The following SCML4 variants were observed in gnomAD, a reference collection of about 807,000 sequenced individuals.
SCML4 encodes Scm polycomb group protein like 4.
Under a neutral mutation model 41.1 loss-of-function variants are expected in SCML4, and 34 were observed. That is an observed-to-expected ratio of 0.83 (90% CI 0.63 to 1.10). The LOEUF (loss-of-function observed/expected upper bound fraction) is 1.10, where lower values mean the gene tolerates loss of function less well. SCML4 is among the 50% of genes least tolerant of loss of function. SCML4 has a pLI of 0.00. For synonymous variants in SCML4, 214 were observed against 220.9 expected, an observed-to-expected ratio of 0.97 and a Z score of 0.28; for missense variants, 522 against 534.1, an observed-to-expected ratio of 0.98 and a Z score of 0.22.
At chr6:107,747,986 G>A (rs1285541803) in intron 3 of SCML4, among the ~76,000 whole-genome samples, 5 of 152,104 alleles carry the variant, frequency 3.3e-5, no homozygotes, top group Non-Finnish European at 7.4e-5. Flanking sequence ...ATTTTTCATT[G>A]TCTCAGACAT....
chr6:107,769,611 T>C (rs963161825), intron 2 of SCML4, among the ~76,000 whole-genome samples: 2 of 152,222 alleles, frequency 1.3e-5, no homozygotes, highest in Non-Finnish European at 2.9e-5. Flanking sequence ...CAGAAACATA[T>C]GATTTTATTA....
the SCML4 span, among the ~76,000 whole-genome samples, chr6:107,837,286 T>A: frequency 6.6e-6 from 1 of 152,156 alleles, no homozygotes; most frequent in African/African-American, 2.4e-5. Flanking sequence ...TCCTCCTGGG[T>A]TTATGAAATG....
intron 1 of SCML4, among the ~76,000 whole-genome samples, chr6:107,787,773 G>A (rs1000983596): frequency 6.6e-6 from 1 of 152,186 alleles, no homozygotes. Flanking sequence ...CACCAGTCTT[G>A]CGGGGGTGGG....
In SCML4 at chr6:107,718,065, C is replaced by G. The variant is rs372078481; in HGVS notation, c.973+2638G>C. Among the ~76,000 whole-genome samples the G allele has an allele frequency of 1.9e-4, 29 of 152,310 alleles. No homozygotes were observed. The East Asian group carries it at 4.8e-3, about 25-fold the overall frequency. On this transcript the variant is annotated intron_variant, in intron 6 of 7. Coordinates refer to ENST00000369020, the MANE Select transcript of SCML4 (RefSeq NM_198081.5). ...TCAGAGCTGGAGGCTGAGGAAGGGT[C>G]TGGGCTGCCCCTCGGCCAGTCGTCT...
At chr6:107,717,763 G>A (rs1034394053) in intron 6 of SCML4, among the ~76,000 whole-genome samples, 1 of 152,166 alleles carries the variant, frequency 6.6e-6, no homozygotes. Flanking sequence ...GGTCAGGCTG[G>A]TCTCAAACTC....
chr6:107,743,669 A>G (rs898376429), intron 5 of SCML4, among the ~76,000 whole-genome samples: 1 of 152,226 alleles, frequency 6.6e-6, no homozygotes, highest in Admixed American at 6.5e-5. Context: ...ACATGCAGAG[A>G]CATCAAGAAA....
chr6:107,794,489 G>A (rs1782566254), intron 1 of SCML4, among the ~76,000 whole-genome samples: 3 of 152,052 alleles, frequency 2.0e-5, no homozygotes, highest in Non-Finnish European at 4.4e-5. Flanking sequence ...CAGTGATTAT[G>A]TACAGTTATT....
intron 6 of SCML4, among the ~76,000 whole-genome samples, chr6:107,713,980 C>T (rs184763589): frequency 1.3e-3 from 195 of 152,218 alleles, no homozygotes; most frequent in African/African-American, 4.3e-3. Flanking sequence ...GGGGTGATCT[C>T]GGCTCACTGC....
chr6:107,741,172 A>G (rs1248550188), intron 5 of SCML4, among the ~76,000 whole-genome samples: 2 of 152,350 alleles, frequency 1.3e-5, no homozygotes, highest in Middle Eastern at 3.4e-3. Flanking sequence ...ACAAATGTAC[A>G]GCACCGAGAT....
chr6:107,802,065 C>T (rs1783182221), intron 1 of SCML4, among the ~76,000 whole-genome samples: 1 of 152,112 alleles, frequency 6.6e-6, no homozygotes, highest in Non-Finnish European at 1.5e-5. Context: ...GCCACTGCAC[C>T]CGGCCTATTC....
intron 3 of SCML4, among the ~76,000 whole-genome samples, chr6:107,747,689 G>GT (rs1276352576): frequency 1.3e-5 from 2 of 151,688 alleles, no homozygotes; most frequent in African/African-American, 4.8e-5. Flanking sequence ...ATAGATTTCA[G>GT]TAAATCAAGT....
intron 1 of SCML4, among the ~76,000 whole-genome samples, chr6:107,791,273 AAAGAG>A (rs1476812704): frequency 6.6e-6 from 1 of 152,162 alleles, no homozygotes; most frequent in African/African-American, 2.4e-5. Context: ...TTAGGACAGA[AAAGAG>A]AAGGGTCTCA....
At chr6:107,777,404 C>G (rs1266062901) in intron 1 of SCML4, among the ~76,000 whole-genome samples, 1 of 152,126 alleles carries the variant, frequency 6.6e-6, no homozygotes, top group East Asian at 1.9e-4. Flanking sequence ...GCATGAGCTG[C>G]CACGCCCAGC....
chr6:107,774,920 G>A (rs915480800), intron 1 of SCML4, among the ~76,000 whole-genome samples: 6 of 151,888 alleles, frequency 4.0e-5, no homozygotes, highest in African/African-American at 1.5e-4. Flanking sequence ...CTACTAGGGA[G>A]GCTGAGGCAG....
At position 107,755,753 on chromosome 6, in the gene SCML4, T is replaced by C. The variant is rs1280012256; in HGVS notation, c.157-5940A>G. The C allele has an allele frequency of 1.3e-5, 6 of 461,562 alleles. No homozygotes were observed. In the East Asian group the frequency reaches 6.3e-4, roughly 48 times the overall value. The allele number at this position is 461,562 out of a possible 1,614,324, so 28.6% of individuals were successfully genotyped here. A position where few individuals can be genotyped will look rare whatever the true frequency, so the allele number is the denominator to read the frequency against. ...ATATAGTGGTTTCTAACACCATTCT[T>C]CAATGTAAGGAAAAAAAACTCCTTG... On this transcript the variant is annotated intron_variant, in intron 2 of 7. Transcript: ENST00000369020.
rs527674570 is a variant in SCML4 at position 107,710,870 on chromosome 6, C to T, written c.974-2859G>A. On this transcript the variant is annotated intron_variant, in intron 6 of 7. Transcript: ENST00000369020. Reference sequence around the variant, plus strand: ...TATGATGATGTCATTCCATAAATGGCCAGTAGATTTGTTTTCCTAAATCCC... The same window carrying T: ...TATGATGATGTCATTCCATAAATGGTCAGTAGATTTGTTTTCCTAAATCCC... Among the ~76,000 whole-genome samples the T allele has an allele frequency of 1.5e-4, 10 of 65,456 alleles. 3 individuals carry two copies. The East Asian group carries it at 2.9e-3, about 19-fold the overall frequency. 42.9% of individuals were successfully genotyped at this position (65,456 alleles called of 152,430 possible). A position where few individuals can be genotyped will look rare whatever the true frequency, so the allele number is the denominator to read the frequency against.
intron 1 of SCML4, among the ~76,000 whole-genome samples, chr6:107,800,113 G>A (rs1246941378): frequency 6.6e-6 from 1 of 151,864 alleles, no homozygotes; most frequent in Non-Finnish European, 1.5e-5. Context: ...AGCCTCCCGA[G>A]TAGTTGGAAT....
At chr6:107,730,653 C>T (rs1242494615) in intron 5 of SCML4, among the ~76,000 whole-genome samples, 1 of 152,162 alleles carries the variant, frequency 6.6e-6, no homozygotes, top group African/African-American at 2.4e-5. Context: ...ACACACGTGG[C>T]CCCATCAAAG....
chr6:107,834,977 G>A, the SCML4 span, among the ~76,000 whole-genome samples: 1 of 150,804 alleles, frequency 6.6e-6, no homozygotes, highest in Non-Finnish European at 1.5e-5. Flanking sequence ...AAATTTCAGG[G>A]AGGAAAAAAA....
Sources: allele counts gnomAD v4.1 joint callset (sites outside exome capture counted in the v4.1 genomes callset), GRCh38; gene constraint gnomAD v4.1.1; transcripts MANE v1.5; gene names NCBI Gene and HGNC (gene_info 2026-07-23, HGNC 2026-07-21).